IWS1: variants seen among roughly 807,000 people sequenced by gnomAD.
The protein encoded by IWS1 is protein IWS1 homolog.
A neutral mutation model predicts 86.7 loss-of-function variants in IWS1; 27 were observed. The observed-to-expected ratio is 0.31, with a 90% CI of 0.23 to 0.43. The LOEUF (loss-of-function observed/expected upper bound fraction) is 0.43, where lower values mean the gene tolerates loss of function less well. Ranked by LOEUF, IWS1 falls within the 20% of genes least tolerant of loss-of-function variation. The pLI is 1.00. For synonymous variants in IWS1, 313 were observed against 335.1 expected (o/e 0.93, Z 0.72); for missense variants, 827 against 1,000.8 (o/e 0.83, Z 2.34).
rs1420492865 is a variant in IWS1, at chr2:127,493,344, A to G, written c.1866T>C (p.Pro622=). ...VMSAIKEWLS[P]LPDRSLPALK... ...GTGCAGGCAAACTCCTATCTGGTAG[A>G]GGTGAGAGCCATTCTTTGATGGCAG... Residue 622 remains proline (P), a synonymous_variant, in exon 9 of 14, where the codon CCT becomes CCC. Transcript: ENST00000295321. The G allele has an allele frequency of 6.2e-7, 1 of 1,613,862 alleles. No homozygotes were observed. The highest frequency in any genetic ancestry group is 8.5e-7 in the Non-Finnish European group (1 of 1,179,886).
Position 127,505,678 on chromosome 2 carries a change from T to G in IWS1, c.225A>C (p.Leu75Phe). The G allele has an allele frequency of 6.2e-7, 1 of 1,613,866 alleles. No homozygotes were observed. Among genetic ancestry groups the G allele is most frequent in the Non-Finnish European group, 8.5e-7 (1 of 1,179,956 alleles). The change falls in exon 3 of 14, where the codon TTA (leucine) becomes TTC (phenylalanine). Residue 75 changes from leucine (L) to phenylalanine (F), a missense_variant. Coordinates refer to ENST00000295321, the MANE Select transcript of IWS1 (RefSeq NM_017969.3). This position sits in a 1 kb window ranked among gnomAD's most constrained non-coding sequence, Gnocchi z 5.0. ...HVTDSENDEP[L>F]NLNASDSESE... is the part of the protein sequence containing the mutation. Reference sequence around the variant, plus strand: ...TTTCAGAGTCACTAGCATTAAGATTTAAGGGCTCATCGTTCTCAGAGTCTG... The same window carrying G: ...TTTCAGAGTCACTAGCATTAAGATTGAAGGGCTCATCGTTCTCAGAGTCTG...
chr2:127,523,034 A>C (rs1692185353), intron 2 of IWS1, among the ~76,000 whole-genome samples: 1 of 152,076 alleles, frequency 6.6e-6, no homozygotes, highest in Non-Finnish European at 1.5e-5. Context: ...ACATGGTGAA[A>C]CCCCATCTCT....
chr2:127,503,381 A>G lies in IWS1; in HGVS notation c.1409+6T>C, dbSNP rs371743562. On this transcript the variant is annotated splice_donor_region_variant and intron_variant, in intron 4 of 13. Coordinates refer to ENST00000295321, the MANE Select transcript of IWS1 (RefSeq NM_017969.3). ...CCCTGAAAACTCATGTTATACTGTCACTTACTCTTCTTCATTGCCTGACTC... is the reference window on the plus strand; with the variant it reads ...CCCTGAAAACTCATGTTATACTGTCGCTTACTCTTCTTCATTGCCTGACTC... 1.9e-6 allele frequency: 3 copies of G among 1,606,532 alleles called. No individual in the cohort carries two copies. Among genetic ancestry groups the G allele is most frequent in the Non-Finnish European group, 2.6e-6 (3 of 1,175,736 alleles).
chr2:127,516,936 C>G (rs965312638), intron 2 of IWS1, among the ~76,000 whole-genome samples: 1 of 152,074 alleles, frequency 6.6e-6, no homozygotes, highest in Non-Finnish European at 1.5e-5. Flanking sequence ...TTTGTTCCCC[C>G]ACTACAATGA....
At position 127,510,695 on chromosome 2, in the gene IWS1, C is replaced by T. The variant is rs1338683990; in HGVS notation, c.151-4943G>A. ...TTTTGTAGAGACAGTCTGTGTTGCCCAGGCTGTTCTCAAATGCCTGGCCTC... is the reference window on the plus strand; with the variant it reads ...TTTTGTAGAGACAGTCTGTGTTGCCTAGGCTGTTCTCAAATGCCTGGCCTC... On this transcript the variant is annotated intron_variant, in intron 2 of 13. Coordinates refer to ENST00000295321, the MANE Select transcript of IWS1 (RefSeq NM_017969.3). Among the ~76,000 whole-genome samples the T allele has an allele frequency of 2.0e-5, 3 of 151,958 alleles. No individual in the cohort carries two copies. The East Asian group carries it at 5.8e-4, about 29-fold the overall frequency.
intron 5 of IWS1, chr2:127,498,643 T>C (rs1316103853): frequency 1.3e-5 from 2 of 156,236 alleles, no homozygotes; most frequent in Non-Finnish European, 2.8e-5. Context: ...TTTACTTATT[T>C]GCCTAGTCAC....
At chr2:127,524,699 C>T (rs913685354) in intron 1 of IWS1, among the ~76,000 whole-genome samples, 1 of 150,980 alleles carries the variant, frequency 6.6e-6, no homozygotes, top group African/African-American at 2.4e-5. Context: ...CCCGCCACCA[C>T]GCCTGGCTAA....
chr2:127,487,696 G>A (rs376144233), intron 12 of IWS1, among the ~76,000 whole-genome samples: 18 of 152,000 alleles, frequency 1.2e-4, no homozygotes, highest in African/African-American at 2.9e-4. Flanking sequence ...GACTACAGGC[G>A]CCCGCCACCA....
rs1388576175 is a variant in IWS1, at chr2:127,526,418, G to T, written c.-210C>A. Reference sequence around the variant, plus strand: ...CGGCGGAAAAGGCCGTACCCGGCAGGCTGGCGGGCGGGCAGGCATGCGAGC... The same window carrying T: ...CGGCGGAAAAGGCCGTACCCGGCAGTCTGGCGGGCGGGCAGGCATGCGAGC... On this transcript the variant is annotated 5_prime_UTR_variant, in exon 1 of 14. Transcript: ENST00000295321. 6.5e-7 allele frequency: 1 copy of T among 1,536,184 alleles called. No homozygotes were observed. Among genetic ancestry groups the T allele is most frequent in the Non-Finnish European group, 8.7e-7 (1 of 1,145,198 alleles).
chr2:127,498,026 T>G (rs570436206), intron 6 of IWS1, 114 bp downstream of exon 6: 6 of 731,820 alleles, frequency 8.2e-6, no homozygotes, highest in Non-Finnish European at 1.4e-5. Flanking sequence ...AAAACAGGAA[T>G]AGACCCACTC....
chr2:127,508,182 C>T (rs1339955113), intron 2 of IWS1, among the ~76,000 whole-genome samples: 1 of 152,160 alleles, frequency 6.6e-6, no homozygotes, highest in Non-Finnish European at 1.5e-5. Context: ...ACGTGCAAGA[C>T]ACCAAGAATC....
rs781085600 is a variant in IWS1, at chr2:127,496,061, G to A, written c.1653C>T (p.Thr551=). ...GKRRRNRDGG[T]FISDADDVVS... The stretch of plus-strand genomic sequence containing the variant: ...CGACGTCGTCTGCATCACTAATAAA[G>A]GTGCCACCATCGCGGTTCCGTCTGC... The change falls in exon 7 of 14, where the codon ACC becomes ACT. Residue 551 remains threonine, a synonymous_variant. Coordinates refer to ENST00000295321, the MANE Select transcript of IWS1 (RefSeq NM_017969.3). 3.1e-6 allele frequency: 5 copies of A among 1,613,786 alleles called. No homozygotes were observed. In the African/African-American group the frequency reaches 5.3e-5, roughly 17 times the overall value.
At chr2:127,483,295 A>T (rs1444316926) in intron 13 of IWS1, among the ~76,000 whole-genome samples, 2 of 152,134 alleles carry the variant, frequency 1.3e-5, no homozygotes, top group East Asian at 3.9e-4. Flanking sequence ...ATTTAGGAGT[A>T]AAAAATCAGA....
rs548593619 is a variant in IWS1, at chr2:127,496,332, G to A, written c.1566-184C>T. ...TCGGTCAATGACGGACTGCAAATAC[G>A]ACGGTGGCCATCCAGTAAGCTAAGG... On this transcript the variant is annotated intron_variant, in intron 6 of 13. Transcript: ENST00000295321. 2.6e-5 allele frequency among the ~76,000 whole-genome samples: 4 copies of A among 152,184 alleles called. 1 individual carries two copies. Among genetic ancestry groups the A allele is most frequent in the African/African-American group, 9.6e-5 (4 of 41,522 alleles).
At chr2:127,524,693 C>T (rs1692296725) in intron 1 of IWS1, among the ~76,000 whole-genome samples, 2 of 151,246 alleles carry the variant, frequency 1.3e-5, no homozygotes, top group Admixed American at 6.6e-5. Context: ...CAGGTGCCCG[C>T]CACCACGCCT....
At chr2:127,503,701 T>TAAATA (rs1553435794) in intron 3 of IWS1, 125 bp from the exon 4 acceptor site, 15 of 326,168 alleles carry the variant, frequency 4.6e-5, no homozygotes, top group African/African-American at 3.8e-4. Context: ...AATAAATAAA[T>TAAATA]AAATAAAATA....
chr2:127,515,410 A>G (rs1041510042), intron 2 of IWS1, among the ~76,000 whole-genome samples: 8 of 152,208 alleles, frequency 5.3e-5, no homozygotes, highest in African/African-American at 1.9e-4. Flanking sequence ...AGGTGTGGCC[A>G]CAGGCAGGAC....
chr2:127,490,940 G>A (rs1215990307), intron 10 of IWS1: 1 of 152,164 alleles, frequency 6.6e-6, no homozygotes, highest in Admixed American at 6.5e-5. Context: ...CTATTCGAAC[G>A]TAGTAGTTAC....
chr2:127,507,073 T>C (rs1253085364), intron 2 of IWS1, among the ~76,000 whole-genome samples: 1 of 152,216 alleles, frequency 6.6e-6, no homozygotes, highest in East Asian at 1.9e-4. Flanking sequence ...ACTTAAGCTA[T>C]GTGAACCTAC....
Sources: allele counts gnomAD v4.1 joint callset (sites outside exome capture counted in the v4.1 genomes callset), GRCh38; gene constraint gnomAD v4.1.1; non-coding constraint Gnocchi (gnomAD v3.1); transcripts MANE v1.5; gene names NCBI Gene and HGNC (gene_info 2026-07-23, HGNC 2026-07-21).